Variants in SLC30A8 observed in about 807,000 individuals in gnomAD.
The protein encoded by SLC30A8 is solute carrier family 30 member 8.
A neutral mutation model predicts 36.9 loss-of-function variants in SLC30A8; 27 were observed. The ratio of observed to expected loss-of-function variants is 0.73; its 90% CI spans 0.54 to 1.01. The LOEUF (loss-of-function observed/expected upper bound fraction) is 1.01, where lower values mean the gene tolerates loss of function less well. Among genes scored for constraint, SLC30A8 ranks in the 50% least tolerant of loss-of-function variants. SLC30A8 has a pLI of 0.00. For missense variants in SLC30A8, 439 were observed against 452.0 expected (o/e 0.97, Z 0.26); for synonymous variants, 164 against 172.4 (o/e 0.95, Z 0.38).
chr8:117,066,042 C>T (rs1818158510), intron 2 of SLC30A8, among the ~76,000 whole-genome samples: 1 of 152,152 alleles, frequency 6.6e-6, no homozygotes, highest in Admixed American at 6.5e-5. Context: ...GTTGGTGGAA[C>T]ACACAGGAAG....
intron 2 of SLC30A8, chr8:117,128,452 T>C (rs1821000765): frequency 6.6e-6 from 1 of 151,948 alleles, no homozygotes; most frequent in African/African-American, 2.4e-5. Flanking sequence ...TGCTTGTGTG[T>C]GCGCACGCAC....
chr8:116,962,692 A>G (rs968729575), intron 1 of SLC30A8, among the ~76,000 whole-genome samples: 11 of 152,050 alleles, frequency 7.2e-5, no homozygotes, highest in Non-Finnish European at 1.2e-4. Context: ...TCACGAGGTA[A>G]TATTGTATAA....
intron 3 of SLC30A8, among the ~76,000 whole-genome samples, chr8:117,156,043 A>AC (rs1329003604): frequency 3.4e-4 from 50 of 145,798 alleles, no homozygotes; most frequent in Non-Finnish European, 6.5e-4. Context: ...GAAGATTAGT[A>AC]CTTTTTTTTT....
intron 1 of SLC30A8, among the ~76,000 whole-genome samples, chr8:116,965,337 A>G (rs149889625): frequency 4.6e-5 from 7 of 152,362 alleles, no homozygotes; most frequent in Admixed American, 6.5e-5. Flanking sequence ...AGTTGATTCT[A>G]AAGCCTGAGA....
At chr8:117,132,912 C>G (rs138354707), upstream of SLC30A8, among the ~76,000 whole-genome samples, 574 of 152,018 alleles carry the variant, frequency 3.8e-3, 4 homozygotes, top group Non-Finnish European at 6.1e-3. Flanking sequence ...TTGCTGTAAT[C>G]TACTGTTCTC....
intron 2 of SLC30A8, among the ~76,000 whole-genome samples, chr8:117,050,060 C>G (rs1354658383): frequency 6.6e-6 from 1 of 152,162 alleles, no homozygotes; most frequent in Non-Finnish European, 1.5e-5. Context: ...ATTGTACTGA[C>G]TCGACCCTTG....
chr8:117,158,251 C>G (rs1423287707), intron 4 of SLC30A8, among the ~76,000 whole-genome samples: 1 of 152,184 alleles, frequency 6.6e-6, no homozygotes. Context: ...ACATTCTGCT[C>G]TCAGGCATGC....
chr8:116,997,599 A>C (rs982020250), intron 1 of SLC30A8, among the ~76,000 whole-genome samples: 2 of 152,230 alleles, frequency 1.3e-5, no homozygotes, highest in Non-Finnish European at 2.9e-5. Flanking sequence ...ATTGTCAAGT[A>C]AAATTTGATC....
At chr8:117,156,188 C>G (rs1052811394) in intron 3 of SLC30A8, among the ~76,000 whole-genome samples, 10 of 151,982 alleles carry the variant, frequency 6.6e-5, no homozygotes, top group African/African-American at 2.4e-4. Flanking sequence ...TACAGGTGCA[C>G]ATCACCATGT....
In SLC30A8 at chr8:117,114,896, C is replaced by CCT. The variant is rs141497160; in HGVS notation, c.-225-20369_-225-20368dup. 6.5e-3 allele frequency among the ~76,000 whole-genome samples: 972 copies of CCT among 149,812 alleles called. 11 individuals carry two copies. Among genetic ancestry groups the CCT allele is most frequent in the African/African-American group, 0.023 (922 of 40,954 alleles). Reference sequence around the variant, plus strand: ...CCTTCTTTGTCTTTCTCTCTTCTGTCCTCTCTCTCTCTCTCTTTCTGTCTT... The same window carrying CCT: ...CCTTCTTTGTCTTTCTCTCTTCTGTCCTCTCTCTCTCTCTCTCTTTCTGTCTT... On this transcript the variant is annotated intron_variant, in intron 2 of 10. Transcript: ENST00000427715.
In SLC30A8 at chr8:116,978,295, G is replaced by A. The variant is rs574162860; in HGVS notation, c.-266+27176G>A. On this transcript the variant is annotated intron_variant, in intron 1 of 10. Transcript: ENST00000427715. ...TATGCTTGTTGACTGACTGAATGAGGAATAGGTATGTAAAATCTATGTTAC... is the reference window on the plus strand; with the variant it reads ...TATGCTTGTTGACTGACTGAATGAGAAATAGGTATGTAAAATCTATGTTAC... 1.2e-4 allele frequency among the ~76,000 whole-genome samples: 19 copies of A among 152,206 alleles called. 1 individual carries two copies. The highest frequency in any genetic ancestry group is 4.6e-4 in the African/African-American group (19 of 41,536).
rs1455282844 is a variant in SLC30A8 at position 117,116,536 on chromosome 8, CA to C, written c.-225-18738del. Among the ~76,000 whole-genome samples the C allele has an allele frequency of 2.0e-5, 3 of 151,992 alleles. No individual in the cohort carries two copies. In the East Asian group the frequency reaches 5.8e-4, roughly 30 times the overall value. The stretch of plus-strand genomic sequence containing the variant: ...TAAGTGTACTCTTTCTATTCTGCTC[CA>C]AAAAACATATCAGAATGCATGAGTA... On this transcript the variant is annotated intron_variant, in intron 2 of 10. Coordinates refer to the SLC30A8 transcript ENST00000427715.
At position 116,961,645 on chromosome 8, in the gene SLC30A8, A is replaced by G. The variant is rs184756762; in HGVS notation, c.-266+10526A>G. 1.5e-3 allele frequency among the ~76,000 whole-genome samples: 234 copies of G among 152,122 alleles called. 1 individual carries two copies. Among genetic ancestry groups the G allele is most frequent in the African/African-American group, 5.5e-3 (229 of 41,550 alleles). On this transcript the variant is annotated intron_variant, in intron 1 of 10. Transcript: ENST00000427715. ...TATAAAAAACAGAAATTTATTTCCC[A>G]TATTTCTGGAGACTGGGAAGTCCAA...
At chr8:117,049,827 C>T (rs191958233) in intron 2 of SLC30A8, among the ~76,000 whole-genome samples, 2 of 152,302 alleles carry the variant, frequency 1.3e-5, no homozygotes, top group African/African-American at 4.8e-5. Context: ...TTAAGAAGAG[C>T]GACTCCATTG....
intron 1 of SLC30A8, among the ~76,000 whole-genome samples, chr8:116,994,374 T>C (rs1357107198): frequency 2.0e-5 from 3 of 152,116 alleles, no homozygotes; most frequent in African/African-American, 7.2e-5. Context: ...GTATCATTAC[T>C]CATGATAGGA....
intron 6 of SLC30A8, among the ~76,000 whole-genome samples, chr8:117,167,356 A>G (rs182621989): frequency 6.6e-6 from 1 of 152,204 alleles, no homozygotes; most frequent in Non-Finnish European, 1.5e-5. Flanking sequence ...ATAATACAGA[A>G]AAGTATGAAA....
chr8:117,126,864 G>C (rs1820928533), intron 2 of SLC30A8, among the ~76,000 whole-genome samples: 1 of 152,178 alleles, frequency 6.6e-6, no homozygotes, highest in Non-Finnish European at 1.5e-5. Flanking sequence ...AAGAGGGGCT[G>C]TCTGAGGAGG....
At chr8:117,111,477 T>A (rs1274844382) in intron 2 of SLC30A8, among the ~76,000 whole-genome samples, 1 of 152,172 alleles carries the variant, frequency 6.6e-6, no homozygotes, top group Non-Finnish European at 1.5e-5. Flanking sequence ...AAATTATTGG[T>A]TGCTGTGCTT....
intron 2 of SLC30A8, among the ~76,000 whole-genome samples, chr8:117,148,099 G>A (rs1277843925): frequency 2.6e-5 from 4 of 151,874 alleles, no homozygotes; most frequent in Non-Finnish European, 5.9e-5. Flanking sequence ...ACTTAGAGAT[G>A]TTTTAAATTT....
Sources: allele counts gnomAD v4.1 joint callset (sites outside exome capture counted in the v4.1 genomes callset), GRCh38; gene constraint gnomAD v4.1.1; transcripts MANE v1.5; gene names NCBI Gene and HGNC (gene_info 2026-07-23, HGNC 2026-07-21).